The following ARID1B variants were observed in gnomAD, a reference collection of about 807,000 sequenced individuals.
ARID1B encodes AT-rich interactive domain-containing protein 1B.
In ARID1B, 30 loss-of-function variants were observed where a neutral mutation model predicts 212.3. The ratio of observed to expected loss-of-function variants is 0.14; its 90% CI spans 0.11 to 0.19. The LOEUF (loss-of-function observed/expected upper bound fraction) is 0.19, where lower values mean the gene tolerates loss of function less well. Ranked by LOEUF, ARID1B falls within the 10% of genes least tolerant of loss-of-function variation. The pLI, the probability that ARID1B is intolerant of heterozygous loss-of-function variation, is 1.00. For missense variants in ARID1B, 2,891 were observed against 3,204.0 expected (o/e 0.90, Z 2.36); for synonymous variants, 1,402 against 1,301.7 (o/e 1.08, Z -1.66).
At chr6:156,993,998 C>G (rs1479544679) in intron 4 of ARID1B, among the ~76,000 whole-genome samples, 1 of 152,090 alleles carries the variant, frequency 6.6e-6, no homozygotes, top group Non-Finnish European at 1.5e-5. Flanking sequence ...TGCCATTGTA[C>G]CATAACAGAA....
At chr6:157,142,711 CA>C (rs1177287625) in intron 7 of ARID1B, among the ~76,000 whole-genome samples, 1 of 152,160 alleles carries the variant, frequency 6.6e-6, no homozygotes, top group Non-Finnish European at 1.5e-5. Flanking sequence ...TCACTGGCTA[CA>C]AAACAAGATA....
In ARID1B at chr6:156,901,401, G is replaced by A. The variant is rs761867629; in HGVS notation, c.2012G>A (p.Gly671Asp). 1.2e-6 allele frequency: 2 copies of A among 1,614,164 alleles called. No homozygotes were observed. The highest frequency in any genetic ancestry group is 1.7e-6 in the Non-Finnish European group (2 of 1,180,044). ...ATGCCACCTCAGTATGGACAGCAAGGTGTGAGTGGTTACTGCCAGCAGGGC... is the reference window on the plus strand; with the variant it reads ...ATGCCACCTCAGTATGGACAGCAAGATGTGAGTGGTTACTGCCAGCAGGGC... ...QQMPPQYGQQ[G>D]VSGYCQQGQQ... Residue 671 changes from glycine (G) to aspartate (D), a missense_variant, in exon 3 of 20, where the codon GGT becomes GAT. Physicochemically the swap from Gly to Asp is moderately conservative, Grantham distance 94. Coordinates refer to ENST00000636930, the MANE Select transcript of ARID1B (RefSeq NM_001374828.1).
intron 4 of ARID1B, among the ~76,000 whole-genome samples, chr6:157,052,998 G>A (rs1782705616): frequency 1.3e-5 from 2 of 152,080 alleles, no homozygotes; most frequent in East Asian, 1.9e-4. Context: ...GATTACAAGC[G>A]TGAGCCACCA....
chr6:156,813,881 C>CA (rs1355492414), intron 1 of ARID1B, among the ~76,000 whole-genome samples: 2 of 152,150 alleles, frequency 1.3e-5, no homozygotes, highest in East Asian at 3.9e-4. Context: ...TGGAATAGCA[C>CA]GAGAAGTTCA....
At chr6:157,070,103 C>A (rs1300439387) in intron 4 of ARID1B, among the ~76,000 whole-genome samples, 2 of 152,012 alleles carry the variant, frequency 1.3e-5, no homozygotes, top group Admixed American at 1.3e-4. Flanking sequence ...TTAGTAAGCT[C>A]TGAATAGTGA....
At chr6:156,835,726 A>G (rs1294519329) in intron 2 of ARID1B, among the ~76,000 whole-genome samples, 2 of 152,102 alleles carry the variant, frequency 1.3e-5, no homozygotes, top group African/African-American at 4.8e-5. Flanking sequence ...TTTGAGATGT[A>G]AATCTTAAAT....
intron 5 of ARID1B, among the ~76,000 whole-genome samples, chr6:157,085,409 T>C (rs1015698740): frequency 6.6e-6 from 1 of 152,242 alleles, no homozygotes; most frequent in African/African-American, 2.4e-5. Flanking sequence ...TGATACAAAC[T>C]CGTGCCTTCT....
chr6:156,965,404 A>G (rs1246164781), intron 4 of ARID1B, among the ~76,000 whole-genome samples: 1 of 152,164 alleles, frequency 6.6e-6, no homozygotes, highest in African/African-American at 2.4e-5. Flanking sequence ...AGTCTTCTCC[A>G]CTTTATCCTT....
At chr6:157,124,579 C>T (rs1438211723) in intron 6 of ARID1B, among the ~76,000 whole-genome samples, 1 of 152,198 alleles carries the variant, frequency 6.6e-6, no homozygotes, top group African/African-American at 2.4e-5. Flanking sequence ...GAGCAAAGGA[C>T]ACAGCACACC....
intron 6 of ARID1B, among the ~76,000 whole-genome samples, chr6:157,123,777 G>A (rs1787941763): frequency 1.3e-5 from 2 of 152,270 alleles, no homozygotes; most frequent in African/African-American, 2.4e-5. Flanking sequence ...TCTAGTGTGT[G>A]CAAGCACTGA....
At chr6:156,995,538 C>T (rs573033781) in intron 4 of ARID1B, among the ~76,000 whole-genome samples, 4 of 152,174 alleles carry the variant, frequency 2.6e-5, no homozygotes, top group Non-Finnish European at 5.9e-5. Context: ...TTGCTCCAAG[C>T]CCAGGGTACT....
chr6:157,192,957 G>C (rs1352464890), intron 15 of ARID1B, among the ~76,000 whole-genome samples: 1 of 152,090 alleles, frequency 6.6e-6, no homozygotes, highest in African/African-American at 2.4e-5. Context: ...TGCTGCTGGT[G>C]GTGTTAACCT....
In ARID1B at chr6:157,184,289, G is replaced by A. The variant is rs1344705302; in HGVS notation, c.3773G>A (p.Ser1258Asn). The part of the protein sequence containing the change: ...LATNLNVGTS[S>N]SAASSLKKQY... ...ACCAACCTAAACGTTGGCACCTCAAGCAGTGCAGCGAGCTCCCTGAAAAAG... is the reference window on the plus strand; with the variant it reads ...ACCAACCTAAACGTTGGCACCTCAAACAGTGCAGCGAGCTCCCTGAAAAAG... The change falls in exon 13 of 20, where the codon AGC becomes AAC. Residue 1258 changes from serine (S) to asparagine (N), a missense_variant. Ser to Asn is a conservative substitution (Grantham distance 46). Transcript: ENST00000636930. 1 of 1,614,138 alleles carries A rather than the reference G, an allele frequency of 6.2e-7. No individual in the cohort carries two copies. Among genetic ancestry groups the A allele is most frequent in the Admixed American group, 1.7e-5 (1 of 60,028 alleles).
intron 4 of ARID1B, among the ~76,000 whole-genome samples, chr6:157,042,913 A>T (rs893242177): frequency 6.6e-6 from 1 of 152,138 alleles, no homozygotes; most frequent in African/African-American, 2.4e-5. Flanking sequence ...TGCCCGCCTC[A>T]GCCTCCCAAA....
chr6:156,976,952 TAATC>T, intron 4 of ARID1B: 1 of 544,178 alleles, frequency 1.8e-6, no homozygotes, highest in South Asian at 1.4e-5. Flanking sequence ...AATGGCAGAA[TAATC>T]TGCTTCCATC....
chr6:156,813,270 A>AT (rs553503458), intron 1 of ARID1B, among the ~76,000 whole-genome samples: 21,847 of 138,200 alleles, frequency 0.16, 2,971 homozygotes, highest in African/African-American at 0.37. Context: ...CGCCCTGCTA[A>AT]TTTTTTTTTT....
intron 4 of ARID1B, among the ~76,000 whole-genome samples, chr6:156,998,281 C>T (rs1164280174): frequency 1.3e-5 from 2 of 149,606 alleles, no homozygotes; most frequent in Admixed American, 6.7e-5. Context: ...AGTGCAGTGG[C>T]GCGATCTTGG....
intron 3 of ARID1B, among the ~76,000 whole-genome samples, chr6:156,917,691 G>T (rs1790469244): frequency 6.6e-6 from 1 of 152,156 alleles, no homozygotes; most frequent in Non-Finnish European, 1.5e-5. Flanking sequence ...TATTAATTAT[G>T]GTGGGAACTG....
chr6:156,926,297 TTTTGTTTTGTTTTG>T (rs1313478540), intron 3 of ARID1B, among the ~76,000 whole-genome samples: 1 of 151,844 alleles, frequency 6.6e-6, no homozygotes, highest in East Asian at 1.9e-4. Flanking sequence ...CATGGAGGGG[TTTTGTTTTGTTTTG>T]TTTAGGATAG....
Sources: gnomAD v4.1 joint callset for allele counts (sites outside exome capture counted in the v4.1 genomes callset) on GRCh38, gnomAD v4.1.1 for gene constraint, MANE v1.5 for transcripts, NCBI Gene and HGNC (gene_info 2026-07-23, HGNC 2026-07-21) for gene names.